The following EPS15L1 variants were observed in gnomAD, a reference collection of about 807,000 sequenced individuals.
EPS15L1 encodes the protein epidermal growth factor receptor pathway substrate 15 like 1, also known as epidermal growth factor receptor substrate 15-like 1.
In EPS15L1, 43 loss-of-function variants were observed where a neutral mutation model predicts 117.1. That is an observed-to-expected ratio of 0.37 (90% CI 0.29 to 0.47). The LOEUF (loss-of-function observed/expected upper bound fraction) is 0.47, where lower values mean the gene tolerates loss of function less well. EPS15L1 is among the 20% of genes least tolerant of loss of function. The pLI, the probability that EPS15L1 is intolerant of heterozygous loss-of-function variation, is 0.99. For synonymous variants in EPS15L1, 459 were observed against 470.5 expected (o/e 0.98, Z 0.32); for missense variants, 981 against 1,164.0 (o/e 0.84, Z 2.29).
At chr19:16,453,187 C>T (rs934889327) in intron 1 of EPS15L1, among the ~76,000 whole-genome samples, 1 of 152,128 alleles carries the variant, frequency 6.6e-6, no homozygotes, top group Non-Finnish European at 1.5e-5. Context: ...GCAGCCTCAA[C>T]CTCCTGGACT....
At chr19:16,425,682 G>A (rs1568441257) in intron 8 of EPS15L1, among the ~76,000 whole-genome samples, 1 of 152,202 alleles carries the variant, frequency 6.6e-6, no homozygotes, top group Non-Finnish European at 1.5e-5. Flanking sequence ...ACGTTCAGGA[G>A]TAGTCCCAGC....
At chr19:16,401,833 G>A (rs1223989121) in intron 16 of EPS15L1, 13 of 986,710 alleles carry the variant, frequency 1.3e-5, no homozygotes, top group African/African-American at 1.7e-5. Flanking sequence ...GCAACACCCT[G>A]GGGCGCTGCT....
rs746634534 is a variant in EPS15L1, at chr19:16,417,969, C to G, written c.1086G>C (p.Ser362=). The change falls in exon 11 of 24, where the codon TCG becomes TCC. Residue 362 remains serine (S), a synonymous_variant. Transcript: ENST00000455140. The stretch of plus-strand genomic sequence containing the variant: ...TCACCGGGCCGGGCGTGCCTCTCTC[C>G]GAAGGCGGGACCATGTCCGGCGAGA... ...QVLSPDMVPP[S]ERGTPGPDSS... 5 of 1,613,808 alleles carry G rather than the reference C, an allele frequency of 3.1e-6. No homozygotes were observed. The highest frequency in any genetic ancestry group is 4.2e-6 in the Non-Finnish European group (5 of 1,179,888).
intron 15 of EPS15L1, among the ~76,000 whole-genome samples, chr19:16,402,972 C>T (rs937116038): frequency 3.9e-5 from 6 of 152,154 alleles, no homozygotes; most frequent in African/African-American, 1.4e-4. Flanking sequence ...AGATATTAAC[C>T]ATAAAGCACA....
intron 1 of EPS15L1, among the ~76,000 whole-genome samples, chr19:16,462,476 C>A (rs1018109763): frequency 6.6e-6 from 1 of 152,164 alleles, no homozygotes; most frequent in Non-Finnish European, 1.5e-5. Context: ...GCCTGGCCAA[C>A]ATGGTGAAAC....
At chr19:16,453,318 C>T (rs151091013) in intron 1 of EPS15L1, among the ~76,000 whole-genome samples, 57 of 152,204 alleles carry the variant, frequency 3.7e-4, no homozygotes, top group African/African-American at 1.3e-3. Context: ...TTGCCCAGGC[C>T]AGTCTCTAAC....
At chr19:16,402,879 T>C (rs1210668066) in intron 15 of EPS15L1, among the ~76,000 whole-genome samples, 1 of 152,192 alleles carries the variant, frequency 6.6e-6, no homozygotes, top group African/African-American at 2.4e-5. Flanking sequence ...GGCACTGCAC[T>C]GCGCAAAGCA....
intron 12 of EPS15L1, among the ~76,000 whole-genome samples, chr19:16,417,038 C>G (rs949139201): frequency 6.6e-6 from 1 of 152,252 alleles, no homozygotes; most frequent in African/African-American, 2.4e-5. Context: ...CCCAATTGCC[C>G]TAGCTGTCAA....
intron 23 of EPS15L1, 126 bp downstream of exon 23, chr19:16,361,653 C>T (rs749671176): frequency 8.4e-6 from 12 of 1,428,602 alleles, no homozygotes; most frequent in Admixed American, 3.1e-5. Context: ...ACGCGAGGGA[C>T]AGAGAGTGTG....
chr19:16,363,575 C>T (rs979481686), intron 22 of EPS15L1, among the ~76,000 whole-genome samples: 1 of 152,242 alleles, frequency 6.6e-6, no homozygotes, highest in South Asian at 2.1e-4. Context: ...GGGCTACAGC[C>T]CCCATCTGCC....
Position 16,404,743 on chromosome 19 carries a change from G to T in EPS15L1, c.1273C>A (p.Gln425Lys). The T allele has an allele frequency of 6.2e-7, 1 of 1,614,112 alleles. No homozygotes were observed. Among genetic ancestry groups the T allele is most frequent in the Non-Finnish European group, 8.5e-7 (1 of 1,179,986 alleles). ...RQKTSEVQELQNDLDRETSSL... is the reference protein window; with the variant it reads ...RQKTSEVQELKNDLDRETSSL... ...CTTGTTTCCCGGTCTAGGTCATTTT[G>T]TAATTCCTAGGGAGGAGTTGCAGGG... Residue 425 changes from glutamine to lysine, a missense_variant, in exon 14 of 24, where the codon CAA becomes AAA. By Grantham distance (53) the Gln-to-Lys change is moderately conservative. Around this residue, in one of 5 missense-constraint regions of EPS15L1, gnomAD observed 819 missense variants for 949.0 expected, o/e 0.86. Transcript: ENST00000455140. This position sits in a 1 kb window ranked among gnomAD's most constrained non-coding sequence, Gnocchi z 4.2.
intron 1 of EPS15L1, among the ~76,000 whole-genome samples, chr19:16,442,829 T>TC (rs974255406): frequency 7.9e-5 from 12 of 152,150 alleles, no homozygotes; most frequent in Admixed American, 7.9e-4. Flanking sequence ...ATATTCCATT[T>TC]CCCGACACCT....
At chr19:16,454,651 A>AGT (rs2093177925) in intron 1 of EPS15L1, among the ~76,000 whole-genome samples, 1 of 152,152 alleles carries the variant, frequency 6.6e-6, no homozygotes, top group African/African-American at 2.4e-5. Flanking sequence ...CAGGGCCTAC[A>AGT]GTGGGGCATG....
intron 16 of EPS15L1, among the ~76,000 whole-genome samples, chr19:16,398,914 G>A (rs2092568735): frequency 6.6e-6 from 1 of 152,106 alleles, no homozygotes; most frequent in South Asian, 2.1e-4. Context: ...TCCTGCTTCA[G>A]CCTCCCAAGT....
Position 16,471,213 on chromosome 19 carries a change from C to G in EPS15L1, c.33+700G>C, listed in dbSNP as rs2093343742. Among the ~76,000 whole-genome samples the G allele has an allele frequency of 6.6e-6, 1 of 152,208 alleles. No homozygotes were observed. The highest frequency in any genetic ancestry group is 2.1e-4 in the South Asian group (1 of 4,830). On this transcript the variant is annotated intron_variant, in intron 1 of 23. Coordinates refer to ENST00000455140, the MANE Select transcript of EPS15L1 (RefSeq NM_001258374.3). This position sits in a 1 kb window ranked among gnomAD's most constrained non-coding sequence, Gnocchi z 4.8. Reference sequence around the variant, plus strand: ...GCGACCTTGTCTGTCTGGAAGAATGCAGCGCTCCCAGCACCTGACCCAACG... The same window carrying G: ...GCGACCTTGTCTGTCTGGAAGAATGGAGCGCTCCCAGCACCTGACCCAACG...
At chr19:16,470,923 C>A (rs2093341666) in intron 1 of EPS15L1, among the ~76,000 whole-genome samples, 1 of 152,164 alleles carries the variant, frequency 6.6e-6, no homozygotes, top group African/African-American at 2.4e-5. Context: ...ATTTTTATAT[C>A]TCCATTTTCC....
chr19:16,394,648 G>A (rs1217112141), intron 17 of EPS15L1, among the ~76,000 whole-genome samples: 2 of 152,200 alleles, frequency 1.3e-5, no homozygotes, highest in Non-Finnish European at 2.9e-5. Flanking sequence ...GCTCTGGACA[G>A]ACTCCTAAAA....
chr19:16,417,768 G>T, intron 11 of EPS15L1, 131 bp from the exon 12 acceptor site: 1 of 1,151,468 alleles, frequency 8.7e-7, no homozygotes, highest in Non-Finnish European at 1.3e-6. Context: ...AAAAGTGTCA[G>T]CCCCCTGCCT....
At chr19:16,376,973 C>G (rs1682762917) in intron 22 of EPS15L1, 149 bp downstream of exon 22, 1 of 1,020,240 alleles carries the variant, frequency 9.8e-7, no homozygotes, top group South Asian at 1.7e-5. Flanking sequence ...TTGCGTGGAC[C>G]TGGGCAGCTG....
Sources: allele counts gnomAD v4.1 joint callset (sites outside exome capture counted in the v4.1 genomes callset), GRCh38; gene constraint gnomAD v4.1.1; regional missense constraint gnomAD v4.1.1; non-coding constraint Gnocchi (gnomAD v3.1); transcripts MANE v1.5; gene names NCBI Gene and HGNC (gene_info 2026-07-23, HGNC 2026-07-21).